BCAS1: variants seen among roughly 807,000 people sequenced by gnomAD.
BCAS1 encodes breast carcinoma-amplified sequence 1.
In BCAS1, 46 loss-of-function variants were observed where a neutral mutation model predicts 65.4. The observed-to-expected ratio is 0.70, with a 90% confidence interval of 0.55 to 0.90. The LOEUF is 0.90. BCAS1 is among the 40% of genes least tolerant of loss of function. BCAS1 has a pLI of 0.00. For missense variants in BCAS1, 793 were observed against 771.2 expected (o/e 1.03, Z -0.33); for synonymous variants, 298 against 293.5 (o/e 1.02, Z -0.16).
At chr20:54,012,965 G>C (rs116352640) in intron 4 of BCAS1, among the ~76,000 whole-genome samples, 1,932 of 152,178 alleles carry the variant, frequency 0.013, 37 homozygotes, top group African/African-American at 0.044. Context: ...TATCTTCTCA[G>C]CAAGTCCTTT....
At chr20:54,022,786 T>C (rs2091590472) in intron 4 of BCAS1, among the ~76,000 whole-genome samples, 1 of 152,226 alleles carries the variant, frequency 6.6e-6, no homozygotes, top group African/African-American at 2.4e-5. Flanking sequence ...ATGGGGCTAT[T>C]ATTGTCATTT....
At chr20:54,065,109 CTATCATCT>C (rs1349759748) in intron 1 of BCAS1, among the ~76,000 whole-genome samples, 12 of 143,224 alleles carry the variant, frequency 8.4e-5, no homozygotes, top group Admixed American at 1.5e-4. Flanking sequence ...GAGTATCTAT[CTATCATCT>C]ATCTATCTAT....
Position 54,028,482 on chromosome 20 carries a change from G to C in BCAS1, c.633C>G (p.Ser211Arg). 2.5e-6 allele frequency: 4 copies of C among 1,614,164 alleles called. No homozygotes were observed. The highest frequency in any genetic ancestry group is 3.4e-6 in the Non-Finnish European group (4 of 1,180,032). ...GCTCTGCCCTCTTGGCTTCCTGTTGGCTGTCACCTGGCACCTTTTCCTGTC... is the reference window on the plus strand; with the variant it reads ...GCTCTGCCCTCTTGGCTTCCTGTTGCCTGTCACCTGGCACCTTTTCCTGTC... ...DKGQEKVPGD[S>R]QQEAKRAEHQ... Residue 211 changes from serine (S) to arginine (R), a missense_variant, in exon 4 of 13, where the codon AGC (serine) becomes AGG (arginine). Transcript: ENST00000688948.
chr20:53,965,325 G>A (rs998786863), intron 10 of BCAS1, among the ~76,000 whole-genome samples: 3 of 152,202 alleles, frequency 2.0e-5, no homozygotes, highest in African/African-American at 7.2e-5. Flanking sequence ...TTAACAGGTT[G>A]AGCCTGTGAA....
chr20:54,005,303 A>AAAAACAAAACAAAAAACAAAAC (rs2091158735), intron 4 of BCAS1, among the ~76,000 whole-genome samples: 1 of 148,258 alleles, frequency 6.7e-6, no homozygotes, highest in Non-Finnish European at 1.5e-5. Flanking sequence ...GAAACAAAGC[A>AAAAACAAAACAAAAAACAAAAC]AAAACAAAAC....
intron 10 of BCAS1, among the ~76,000 whole-genome samples, chr20:53,959,349 G>A (rs1202086113): frequency 1.3e-5 from 2 of 151,880 alleles, no homozygotes; most frequent in African/African-American, 4.8e-5. Context: ...TGCCTCCCAG[G>A]TTCAAGAAAT....
At chr20:53,952,992 G>GCATTCATTCATT (rs146555244) in intron 12 of BCAS1, among the ~76,000 whole-genome samples, 26 of 151,986 alleles carry the variant, frequency 1.7e-4, no homozygotes, top group East Asian at 3.9e-4. Context: ...AGCCAATAAT[G>GCATTCATTCATT]CATTCATTCA....
intron 3 of BCAS1, among the ~76,000 whole-genome samples, chr20:54,033,692 T>C (rs998268217): frequency 6.6e-6 from 1 of 151,148 alleles, no homozygotes; most frequent in Admixed American, 6.6e-5. Flanking sequence ...CAGTACTAGA[T>C]GGATTCACAG....
chr20:54,046,584 C>A (rs928441361), intron 3 of BCAS1, among the ~76,000 whole-genome samples: 2 of 149,002 alleles, frequency 1.3e-5, no homozygotes, highest in Non-Finnish European at 3.0e-5. Context: ...TGGCTCATAC[C>A]TGTAATTCTA....
At chr20:53,966,769 T>C (rs2090040174) in intron 10 of BCAS1, 137 bp downstream of exon 10, 3 of 750,912 alleles carry the variant, frequency 4.0e-6, no homozygotes, top group Non-Finnish European at 6.2e-6. Flanking sequence ...ATTTTCTCAC[T>C]ATGCAATCCA....
Position 54,015,328 on chromosome 20 carries a change from A to G in BCAS1, c.723+13064T>C, listed in dbSNP as rs183526478. Among the ~76,000 whole-genome samples the G allele has an allele frequency of 3.0e-3, 450 of 152,008 alleles. 2 individuals carry two copies. The highest frequency in any genetic ancestry group is 0.01 in the African/African-American group (432 of 41,388). On this transcript the variant is annotated intron_variant, in intron 4 of 12. Transcript: ENST00000688948. ...ATTACAGGCATGAGCCACCATGCCC[A>G]AACTCTTTTTTTTTTTAAGTTTGTT...
intron 4 of BCAS1, among the ~76,000 whole-genome samples, chr20:54,019,042 T>G (rs1477745815): frequency 6.6e-6 from 1 of 152,240 alleles, no homozygotes; most frequent in Non-Finnish European, 1.5e-5. Flanking sequence ...AATTAATTAA[T>G]TAAAATATTA....
At chr20:54,060,614 G>T (rs1490030568) in intron 1 of BCAS1, among the ~76,000 whole-genome samples, 2 of 152,072 alleles carry the variant, frequency 1.3e-5, no homozygotes, top group Non-Finnish European at 2.9e-5. Context: ...GAGCCACTGC[G>T]CCTGGTCGAA....
intron 1 of BCAS1, among the ~76,000 whole-genome samples, chr20:54,061,184 T>G (rs907531570): frequency 1.3e-5 from 2 of 152,174 alleles, no homozygotes; most frequent in East Asian, 3.8e-4. Flanking sequence ...TAAATCATTT[T>G]CCAAAGGTCA....
intron 1 of BCAS1, among the ~76,000 whole-genome samples, chr20:54,068,663 A>G (rs1036161429): frequency 2.0e-5 from 3 of 152,130 alleles, no homozygotes; most frequent in African/African-American, 7.2e-5. Context: ...TAGGCACCTT[A>G]CTAGTCCTAC....
intron 1 of BCAS1, among the ~76,000 whole-genome samples, chr20:54,061,014 A>G (rs1351243815): frequency 6.6e-6 from 1 of 152,240 alleles, no homozygotes; most frequent in East Asian, 1.9e-4. Flanking sequence ...TATAATAATA[A>G]TGATGATAAT....
intron 3 of BCAS1, among the ~76,000 whole-genome samples, chr20:54,041,559 T>C (rs1383579345): frequency 6.6e-6 from 1 of 151,816 alleles, no homozygotes; most frequent in Non-Finnish European, 1.5e-5. Flanking sequence ...AAGGAGACAA[T>C]TGATGACCCC....
intron 11 of BCAS1, among the ~76,000 whole-genome samples, 181 bp from the exon 12 acceptor site, chr20:53,953,876 CATTT>C (rs1398258098): frequency 6.6e-6 from 1 of 152,046 alleles, no homozygotes; most frequent in Non-Finnish European, 1.5e-5. Context: ...ATGGTGGGGA[CATTT>C]ATTTAGTTAT....
chr20:54,053,492 T>TC (rs1480722989), intron 3 of BCAS1, among the ~76,000 whole-genome samples: 1 of 152,242 alleles, frequency 6.6e-6, no homozygotes, highest in Admixed American at 6.5e-5. Context: ...GCATAAGGGA[T>TC]GTAGGAAAGA....
Sources: allele counts gnomAD v4.1 joint callset (sites outside exome capture counted in the v4.1 genomes callset), GRCh38; gene constraint gnomAD v4.1.1; transcripts MANE v1.5; gene names NCBI Gene and HGNC (gene_info 2026-07-23, HGNC 2026-07-21).